LOC122539214: variants seen among roughly 807,000 people sequenced by gnomAD.
At chr19:52,681,584 A>T in the LOC122539214 span, among the ~76,000 whole-genome samples, 2 of 152,200 alleles carry the variant, frequency 1.3e-5, no homozygotes, top group Non-Finnish European at 2.9e-5. Context: ...AAAGATCTGT[A>T]CTTGGAGACA....
At chr19:52,653,096 T>A in the LOC122539214 span, 1 of 1,463,786 alleles carries the variant, frequency 6.8e-7, no homozygotes, top group Non-Finnish European at 9.5e-7. Context: ...GCCTTATGAA[T>A]TAGAAGGGAT....
the LOC122539214 span, among the ~76,000 whole-genome samples, chr19:52,671,640 A>T: frequency 1.3e-5 from 2 of 152,204 alleles, no homozygotes; most frequent in South Asian, 2.1e-4. Flanking sequence ...GGGTGGTCCC[A>T]CTATGATGCT....
chr19:52,680,035 C>T, the LOC122539214 span, among the ~76,000 whole-genome samples: 1 of 152,050 alleles, frequency 6.6e-6, no homozygotes, highest in South Asian at 2.1e-4. Context: ...CAAAATTAGC[C>T]AGGCGTAGTG....
At chr19:52,684,774 A>G in the LOC122539214 span, among the ~76,000 whole-genome samples, 3 of 152,178 alleles carry the variant, frequency 2.0e-5, no homozygotes, top group African/African-American at 7.2e-5. Flanking sequence ...GACCTGAGAC[A>G]GAAAAGGTTT....
At chr19:52,684,549 A>G in the LOC122539214 span, among the ~76,000 whole-genome samples, 2 of 22,182 alleles carry the variant, frequency 9.0e-5, no homozygotes, top group Non-Finnish European at 8.9e-5. Flanking sequence ...GACTCTGTCT[A>G]AAAAAAGAAA....
the LOC122539214 span, chr19:52,655,385 A>G: frequency 1.6e-6 from 1 of 637,464 alleles, no homozygotes; most frequent in East Asian, 2.8e-5. Context: ...AAACCACTCC[A>G]TAGGATAGTC....
At chr19:52,683,625 A>G in the LOC122539214 span, among the ~76,000 whole-genome samples, 8 of 152,110 alleles carry the variant, frequency 5.3e-5, no homozygotes, top group African/African-American at 1.9e-4. Flanking sequence ...CACACAGATG[A>G]CAAAAATGGA....
chr19:52,662,817 C>G, the LOC122539214 span, among the ~76,000 whole-genome samples: 8 of 151,970 alleles, frequency 5.3e-5, no homozygotes, highest in Admixed American at 3.9e-4. Flanking sequence ...CGGCTCATTC[C>G]TATGTGATGG....
chr19:52,671,563 C>A, the LOC122539214 span, among the ~76,000 whole-genome samples: 2 of 152,098 alleles, frequency 1.3e-5, no homozygotes, highest in Non-Finnish European at 2.9e-5. Flanking sequence ...CCCGCCACAC[C>A]TCCCAACTAG....
chr19:52,689,400 C>A, the LOC122539214 span, among the ~76,000 whole-genome samples: 4 of 152,196 alleles, frequency 2.6e-5, no homozygotes, highest in East Asian at 7.7e-4. Flanking sequence ...CTCATCCCCA[C>A]TCTCTAGCAC....
chr19:52,659,233 T>A, the LOC122539214 span, among the ~76,000 whole-genome samples: 1 of 151,786 alleles, frequency 6.6e-6, no homozygotes, highest in Non-Finnish European at 1.5e-5. Flanking sequence ...AGGACCGCCC[T>A]CTTGAGGAAA....
At chr19:52,681,796 C>G in the LOC122539214 span, among the ~76,000 whole-genome samples, 1 of 152,202 alleles carries the variant, frequency 6.6e-6, no homozygotes, top group Admixed American at 6.5e-5. Context: ...GAGCATCCTA[C>G]AAGGTCATTG....
the LOC122539214 span, among the ~76,000 whole-genome samples, chr19:52,686,163 T>C: frequency 2.0e-5 from 3 of 152,124 alleles, no homozygotes; most frequent in African/African-American, 7.2e-5. Flanking sequence ...ACAATCAAAC[T>C]TCTGTATGAG....
At chr19:52,662,866 G>A in the LOC122539214 span, among the ~76,000 whole-genome samples, 3 of 152,068 alleles carry the variant, frequency 2.0e-5, no homozygotes, top group African/African-American at 7.2e-5. Flanking sequence ...TTTTTCTCTA[G>A]AAAATTGCAG....
chr19:52,687,599 G>T, the LOC122539214 span, among the ~76,000 whole-genome samples: 448 of 16,722 alleles, frequency 0.027, 9 homozygotes, highest in African/African-American at 0.18. Flanking sequence ...TATATATAAT[G>T]TATATATATA....
chr19:52,680,605 T>TA, the LOC122539214 span, among the ~76,000 whole-genome samples: 3 of 94,592 alleles, frequency 3.2e-5, no homozygotes, highest in African/African-American at 1.1e-4. Flanking sequence ...TTCCACAAAA[T>TA]ATTTTTTTTT....
the LOC122539214 span, among the ~76,000 whole-genome samples, chr19:52,676,000 C>A: frequency 1.3e-5 from 2 of 152,218 alleles, no homozygotes; most frequent in South Asian, 4.1e-4. Flanking sequence ...GACAGCCTGA[C>A]CAACATGGTG....
At chr19:52,682,399 G>A in the LOC122539214 span, among the ~76,000 whole-genome samples, 1 of 151,990 alleles carries the variant, frequency 6.6e-6, no homozygotes, top group Non-Finnish European at 1.5e-5. Flanking sequence ...AATTCTGGAA[G>A]TGGTGGCTCA....
the LOC122539214 span, among the ~76,000 whole-genome samples, chr19:52,680,682 G>T: frequency 1.3e-4 from 17 of 130,176 alleles, no homozygotes; most frequent in African/African-American, 1.9e-4. Flanking sequence ...GCGCGATCTC[G>T]GCTCACTGCA....
Sources: allele counts gnomAD v4.1 joint callset (sites outside exome capture counted in the v4.1 genomes callset), GRCh38; gene constraint gnomAD v4.1.1; transcripts MANE v1.5.